Variants in RIMS2 observed in about 807,000 individuals in gnomAD.
RIMS2 encodes regulating synaptic membrane exocytosis 2, also known as regulating synaptic membrane exocytosis protein 2.
Under a neutral mutation model 174.4 loss-of-function variants are expected in RIMS2, and 59 were observed. That is an observed-to-expected ratio of 0.34 (90% confidence interval 0.27 to 0.42). The LOEUF (loss-of-function observed/expected upper bound fraction) is 0.42. Among genes scored for constraint, RIMS2 ranks in the 10% least tolerant of loss-of-function variants. RIMS2 has a pLI of 1.00. For missense variants in RIMS2, 1,620 were observed against 1,666.3 expected, an observed-to-expected ratio of 0.97 and a Z score of 0.48; for synonymous variants, 606 against 572.5, an observed-to-expected ratio of 1.06 and a Z score of -0.84.
intron 11 of RIMS2, among the ~76,000 whole-genome samples, chr8:103,928,631 G>T (rs974800286): frequency 2.7e-5 from 4 of 150,656 alleles, no homozygotes; most frequent in Non-Finnish European, 5.9e-5. Context: ...TGTTGCTTCT[G>T]AGTAATACTT....
intron 19 of RIMS2, among the ~76,000 whole-genome samples, chr8:104,049,238 C>T (rs1233852982): frequency 6.6e-6 from 1 of 151,434 alleles, no homozygotes; most frequent in Non-Finnish European, 1.5e-5. Context: ...CTGGCTAACA[C>T]GGTGAAACCC....
In RIMS2 at chr8:104,015,365, G is replaced by T. The variant is rs1301730749; in HGVS notation, c.3334+750G>T. On this transcript the variant is annotated intron_variant, in intron 19 of 23. Transcript: ENST00000504942. ...TGTTGTTTTTAACCCCTGTGCTTTG[G>T]TTCCCTTTTTGTTTGTTTGTTTTTG... 4 of 652,416 alleles carry T rather than the reference G, an allele frequency of 6.1e-6. No homozygotes were observed. In the East Asian group the frequency reaches 8.5e-5, roughly 14 times the overall value. 40.4% of individuals were successfully genotyped at this position (652,416 alleles called of 1,614,324 possible). A position where few individuals can be genotyped will look rare whatever the true frequency, so the allele number is the denominator to read the frequency against.
At chr8:103,911,433 C>T in intron 5 of RIMS2, among the ~76,000 whole-genome samples, 1 of 152,058 alleles carries the variant, frequency 6.6e-6, no homozygotes, top group East Asian at 1.9e-4. Context: ...GAAATGAGAA[C>T]TGTAATCTAT....
intron 19 of RIMS2, among the ~76,000 whole-genome samples, chr8:104,235,715 G>A (rs976843292): frequency 2.0e-5 from 3 of 151,568 alleles, no homozygotes; most frequent in East Asian, 3.9e-4. Context: ...TATTTTTACC[G>A]ACCATTTGAG....
chr8:103,880,549 T>C (rs561207355), intron 3 of RIMS2: 48 of 409,928 alleles, frequency 1.2e-4, no homozygotes, highest in African/African-American at 9.3e-4. Context: ...GTAGAGACTT[T>C]CAAATCATCT....
intron 1 of RIMS2, among the ~76,000 whole-genome samples, chr8:103,577,170 T>C (rs1588121326): frequency 1.3e-5 from 2 of 152,314 alleles, no homozygotes; most frequent in Non-Finnish European, 2.9e-5. Context: ...TTTTGCAATA[T>C]ATCCATCTGA....
At chr8:104,231,722 A>G (rs891396212) in intron 19 of RIMS2, among the ~76,000 whole-genome samples, 2 of 152,180 alleles carry the variant, frequency 1.3e-5, no homozygotes, top group Non-Finnish European at 2.9e-5. Context: ...GTGAACTAGT[A>G]TTATGCTTAC....
At position 103,619,958 on chromosome 8, in the gene RIMS2, A is replaced by G. The variant is rs1009825400; in HGVS notation, c.177-77128A>G. On this transcript the variant is annotated intron_variant, in intron 1 of 23. Transcript: ENST00000504942. The stretch of plus-strand genomic sequence containing the variant: ...TCTGTATGATGCCAAATATTTTAAC[A>G]TCTATATACATCTATAAATGGACTT... Among the ~76,000 whole-genome samples, 3 of 152,180 alleles carry G rather than the reference A, an allele frequency of 2.0e-5. No homozygotes were observed. In the East Asian group the frequency reaches 5.8e-4, roughly 29 times the overall value.
intron 19 of RIMS2, among the ~76,000 whole-genome samples, chr8:104,032,839 G>T (rs1565943294): frequency 6.6e-6 from 1 of 151,940 alleles, no homozygotes; most frequent in Non-Finnish European, 1.5e-5. Flanking sequence ...AGTATTTGTT[G>T]CCATCCTTCT....
chr8:104,079,594 G>C (rs1349052330), intron 19 of RIMS2, among the ~76,000 whole-genome samples: 2 of 81,358 alleles, frequency 2.5e-5, no homozygotes, highest in African/African-American at 9.1e-5. Flanking sequence ...AAAGGATTAA[G>C]CATGATATAT....
chr8:103,515,233 A>C (rs1828433182), intron 1 of RIMS2, among the ~76,000 whole-genome samples: 1 of 152,208 alleles, frequency 6.6e-6, no homozygotes, highest in Admixed American at 6.5e-5. Flanking sequence ...TTTAGGACTC[A>C]TATTGTAACA....
At chr8:103,729,583 GTGT>G (rs2097567197) in intron 2 of RIMS2, among the ~76,000 whole-genome samples, 1 of 151,520 alleles carries the variant, frequency 6.6e-6, no homozygotes, top group Non-Finnish European at 1.5e-5. Flanking sequence ...GCTATGATTT[GTGT>G]TATTACTTCT....
intron 2 of RIMS2, among the ~76,000 whole-genome samples, chr8:103,751,900 C>T (rs889788976): frequency 5.9e-5 from 9 of 151,824 alleles, no homozygotes; most frequent in African/African-American, 1.9e-4. Context: ...TGTAGGTTGC[C>T]TGTTCACTCT....
rs77201368 is a variant in RIMS2, at chr8:103,889,995, A to G, written c.1624+3772A>G. Among the ~76,000 whole-genome samples the G allele has an allele frequency of 9.8e-3, 1,494 of 152,022 alleles. 20 individuals are homozygous for G. The highest frequency in any genetic ancestry group is 0.046 in the East Asian group (239 of 5,148). ...TTAACCACTCTAGGTCTGTTTCTTTACCTATAAATCTGTAAATCAGGATAA... is the reference window on the plus strand; with the variant it reads ...TTAACCACTCTAGGTCTGTTTCTTTGCCTATAAATCTGTAAATCAGGATAA... On this transcript the variant is annotated intron_variant, in intron 4 of 23. Coordinates refer to ENST00000504942, the Ensembl canonical transcript of RIMS2.
At chr8:104,145,771 G>C (rs1275975383) in intron 19 of RIMS2, among the ~76,000 whole-genome samples, 2 of 151,870 alleles carry the variant, frequency 1.3e-5, no homozygotes, top group East Asian at 3.9e-4. Context: ...GCTGCGACAG[G>C]AGAATCACTT....
chr8:103,787,728 G>A (rs987030798), intron 3 of RIMS2, among the ~76,000 whole-genome samples: 1 of 152,016 alleles, frequency 6.6e-6, no homozygotes, highest in African/African-American at 2.4e-5. Flanking sequence ...TTCTACTTTG[G>A]TGAATCTGAC....
At chr8:104,013,792 T>C (rs1283746988) in intron 18 of RIMS2, among the ~76,000 whole-genome samples, 171 bp downstream of exon 20, 1 of 152,210 alleles carries the variant, frequency 6.6e-6, no homozygotes, top group African/African-American at 2.4e-5. Flanking sequence ...TATAATAGTG[T>C]GTGGCTACCA....
chr8:104,000,412 A>G (rs115511177), intron 17 of RIMS2, among the ~76,000 whole-genome samples: 71 of 151,712 alleles, frequency 4.7e-4, no homozygotes, highest in African/African-American at 1.7e-3. Context: ...TTTAGCTGAT[A>G]CTCCATTGTG....
intron 1 of RIMS2, among the ~76,000 whole-genome samples, chr8:103,532,540 G>A (rs1010831939): frequency 5.3e-5 from 8 of 152,312 alleles, no homozygotes; most frequent in African/African-American, 1.7e-4. Context: ...CTTTTAAAAA[G>A]TCAAAAGGAT....
Sources: gnomAD v4.1 joint callset for allele counts (sites outside exome capture counted in the v4.1 genomes callset) on GRCh38, gnomAD v4.1.1 for gene constraint, MANE v1.5 for transcripts, NCBI Gene and HGNC (gene_info 2026-07-23, HGNC 2026-07-21) for gene names.